The following PRPF3 variants were observed in gnomAD, a reference collection of about 807,000 sequenced individuals.
PRPF3 encodes the protein pre-mRNA processing factor 3.
PRPF3 carries 3 observed loss-of-function variants against 89.2 expected under a neutral mutation model. That is an observed-to-expected ratio of 0.03 (90% CI 0.02 to 0.09). PRPF3 has a LOEUF of 0.09. Ranked by LOEUF, PRPF3 falls within the 10% of genes least tolerant of loss-of-function variation. The probability of loss-of-function intolerance (pLI) is 1.00; values close to 1 mark genes in which losing one functional copy is unlikely to be tolerated. For missense variants in PRPF3, 463 were observed against 828.8 expected (o/e 0.56, Z 5.42); for synonymous variants, 270 against 289.1 (o/e 0.93, Z 0.67).
intron 8 of PRPF3, 35 bp from the exon 9 acceptor site, chr1:150,340,363 G>A (rs375004974): frequency 1.6e-5 from 23 of 1,410,906 alleles, no homozygotes; most frequent in South Asian, 1.6e-4. Flanking sequence ...ATCTCTACCC[G>A]CATATCGTGT....
chr1:150,329,684 G>A (rs1572202952), intron 4 of PRPF3: 1 of 152,200 alleles, frequency 6.6e-6, no homozygotes, highest in African/African-American at 2.4e-5. Context: ...AATATTTGAG[G>A]GGGGTAATAG....
chr1:150,324,115 T>A (rs989416571), intron 1 of PRPF3, among the ~76,000 whole-genome samples: 1 of 152,064 alleles, frequency 6.6e-6, no homozygotes, highest in South Asian at 2.1e-4. Context: ...TAATTTAATA[T>A]CTAAGATGAC....
chr1:150,328,972 G>C (rs782306252), intron 4 of PRPF3, among the ~76,000 whole-genome samples: 1 of 151,528 alleles, frequency 6.6e-6, no homozygotes, highest in Admixed American at 6.6e-5. Flanking sequence ...GATTATAGGC[G>C]TGAGCCAGCG....
chr1:150,336,302 G>A (rs1209238789), intron 7 of PRPF3, among the ~76,000 whole-genome samples: 1 of 152,076 alleles, frequency 6.6e-6, no homozygotes. Context: ...TCATGCCACC[G>A]ATGATCTGAC....
intron 3 of PRPF3, among the ~76,000 whole-genome samples, chr1:150,326,688 A>G (rs1021541697): frequency 4.6e-5 from 7 of 151,864 alleles, no homozygotes; most frequent in African/African-American, 7.3e-5. Flanking sequence ...GGAACTAAAA[A>G]AAAAAGCAGA....
chr1:150,342,924 C>T (rs1657920460), intron 9 of PRPF3, among the ~76,000 whole-genome samples: 1 of 152,214 alleles, frequency 6.6e-6, no homozygotes, highest in Admixed American at 6.6e-5. Flanking sequence ...CCACCTTGGC[C>T]TATCAAAGTG....
intron 12 of PRPF3, 185 bp from the exon 13 acceptor site, chr1:150,345,833 G>C (rs1248771974): frequency 1.5e-6 from 1 of 672,558 alleles, no homozygotes; most frequent in East Asian, 2.6e-5. Context: ...TTGAAGAAAT[G>C]TAAGAGTGTG....
At chr1:150,336,401 G>A (rs1657004505) in intron 7 of PRPF3, among the ~76,000 whole-genome samples, 1 of 152,254 alleles carries the variant, frequency 6.6e-6, no homozygotes, top group South Asian at 2.1e-4. Flanking sequence ...CTCACCTCCT[G>A]TTGTGCAGCC....
chr1:150,342,551 G>A (rs1560110968), intron 9 of PRPF3, among the ~76,000 whole-genome samples: 3 of 151,944 alleles, frequency 2.0e-5, no homozygotes, highest in Admixed American at 6.6e-5. Context: ...GAGTCTCGCT[G>A]TGTTGCCAGG....
intron 3 of PRPF3, 22 bp from the exon 4 acceptor site, chr1:150,328,298 C>A: frequency 6.2e-7 from 1 of 1,613,664 alleles, no homozygotes; most frequent in Non-Finnish European, 8.5e-7. Flanking sequence ...TACAGCTTTT[C>A]TTTCATCTTG....
chr1:150,344,957 C>T (rs782420638), intron 12 of PRPF3, among the ~76,000 whole-genome samples: 7 of 151,288 alleles, frequency 4.6e-5, no homozygotes, highest in East Asian at 3.9e-4. Context: ...TTCTTTCCTC[C>T]GTAGTCATAT....
rs1454108864 is a variant in PRPF3, at chr1:150,332,756, C to G, written c.496C>G (p.Pro166Ala). 9.3e-6 allele frequency: 15 copies of G among 1,614,064 alleles called. No homozygotes were observed. The highest frequency in any genetic ancestry group is 1.3e-5 in the Non-Finnish European group (15 of 1,179,962). Reference sequence around the variant, plus strand: ...AAAACAGCTGAGCTTCATTAGCCCCCCTACACCTCAGGTATTGTGTCTAGA... The same window carrying G: ...AAAACAGCTGAGCTTCATTAGCCCCGCTACACCTCAGGTATTGTGTCTAGA... ...RKKQLSFISP[P>A]TPQPKTPSSS... The change falls in exon 5 of 16, where the codon CCT (proline) becomes GCT (alanine). Residue 166 changes from proline (P) to alanine (A), a missense_variant. This residue lies in a region of PRPF3 where 38 missense variants were observed against 48.3 expected (regional missense o/e 0.79). Coordinates refer to ENST00000324862, the MANE Select transcript of PRPF3 (RefSeq NM_004698.4).
In PRPF3 at chr1:150,338,256, G is replaced by A. The variant is rs1043744478; in HGVS notation, c.1132G>A (p.Glu378Lys). Residue 378 changes from glutamate to lysine, a missense_variant, in exon 8 of 16, where the codon GAG (glutamate) becomes AAG (lysine). Around this residue, in one of 8 missense-constraint regions of PRPF3, gnomAD observed 261 missense variants for 475.8 expected, o/e 0.55. Coordinates refer to ENST00000324862, the MANE Select transcript of PRPF3 (RefSeq NM_004698.4). ...GCTTGCCCTCATTGCTCCTAAGAAG[G>A]AGCTAAAGGAAGGAGATATTCCTGA... ...TRLALIAPKK[E>K]LKEGDIPEIE... The A allele has an allele frequency of 1.2e-6, 2 of 1,613,904 alleles. No individual in the cohort carries two copies. The highest frequency in any genetic ancestry group is 1.7e-6 in the Non-Finnish European group (2 of 1,179,972).
chr1:150,348,746 A>G, intron 14 of PRPF3: 1 of 250,032 alleles, frequency 4.0e-6, no homozygotes, highest in Non-Finnish European at 7.8e-6. Flanking sequence ...TACAGGCGTG[A>G]GCCACCACGC....
chr1:150,327,630 A>C, intron 3 of PRPF3: 1 of 985,582 alleles, frequency 1.0e-6, no homozygotes, highest in Non-Finnish European at 1.2e-6. Flanking sequence ...TGAAGAGGGG[A>C]TGTCACCCAA....
chr1:150,347,094 A>G (rs1658342726), intron 14 of PRPF3, among the ~76,000 whole-genome samples: 1 of 152,152 alleles, frequency 6.6e-6, no homozygotes, highest in Non-Finnish European at 1.5e-5. Flanking sequence ...CCTGTCTCAA[A>G]AAAAAGAAAA....
chr1:150,352,066 A>T (rs964146386), intron 15 of PRPF3, among the ~76,000 whole-genome samples: 1 of 152,106 alleles, frequency 6.6e-6, no homozygotes, highest in Non-Finnish European at 1.5e-5. Flanking sequence ...CAAGAATGCC[A>T]TTCTGCCCAG....
intron 10 of PRPF3, 99 bp from the exon 11 acceptor site, chr1:150,344,063 A>C: frequency 9.5e-7 from 1 of 1,055,682 alleles, no homozygotes; most frequent in Non-Finnish European, 1.5e-6. Context: ...CAGAGATTTG[A>C]AATAGGTAAA....
intron 7 of PRPF3, among the ~76,000 whole-genome samples, chr1:150,335,541 C>T (rs2101980065): frequency 6.6e-6 from 1 of 152,334 alleles, no homozygotes; most frequent in African/African-American, 2.4e-5. Context: ...TCTCGGCTTG[C>T]TGCAACCTTT....
Sources: gnomAD v4.1 joint callset for allele counts (sites outside exome capture counted in the v4.1 genomes callset) on GRCh38, gnomAD v4.1.1 for gene constraint, gnomAD v4.1.1 regional missense constraint, MANE v1.5 for transcripts, NCBI Gene and HGNC (gene_info 2026-07-23, HGNC 2026-07-21) for gene names.